Variants in GOSR1 observed in about 807,000 individuals in gnomAD.
GOSR1 encodes the protein golgi SNAP receptor complex member 1, also known as 28 kDa Golgi SNARE protein.
In GOSR1, 21 loss-of-function variants were observed where a neutral mutation model predicts 35.5. That is an observed-to-expected ratio of 0.59 (90% CI 0.42 to 0.85). GOSR1 has a LOEUF of 0.85. Ranked by LOEUF, GOSR1 falls within the 40% of genes least tolerant of loss-of-function variation. The probability of loss-of-function intolerance (pLI) is 0.00; values close to 1 mark genes in which losing one functional copy is unlikely to be tolerated. For synonymous variants in GOSR1, 94 were observed against 106.6 expected (o/e 0.88, Z 0.73); for missense variants, 285 against 309.6 (o/e 0.92, Z 0.60).
At chr17:30,501,441 G>A (rs1455614787) in intron 6 of GOSR1, among the ~76,000 whole-genome samples, 1 of 152,012 alleles carries the variant, frequency 6.6e-6, no homozygotes, top group African/African-American at 2.4e-5. Flanking sequence ...CATTGCTGGT[G>A]TGAATGCAAA....
chr17:30,498,453 A>G (rs949898675), intron 6 of GOSR1, among the ~76,000 whole-genome samples: 2 of 152,190 alleles, frequency 1.3e-5, no homozygotes, highest in Non-Finnish European at 2.9e-5. Context: ...ATGATATGCA[A>G]AGGTTTGTGC....
chr17:30,490,580 T>C (rs1914980559), intron 5 of GOSR1, among the ~76,000 whole-genome samples: 1 of 152,174 alleles, frequency 6.6e-6, no homozygotes, highest in South Asian at 2.1e-4. Flanking sequence ...AATTCTTTAA[T>C]TGTAACATTA....
chr17:30,507,873 GGTGAAGACGCT>G lies in GOSR1; in HGVS notation c.510-3004_510-2994del, dbSNP rs1232276218. Among the ~76,000 whole-genome samples, 16 of 152,194 alleles carry G rather than the reference GGTGAAGACGCT, an allele frequency of 1.1e-4. No homozygotes were observed. The East Asian group carries it at 3.1e-3, about 29-fold the overall frequency. ...GTGGTTTCTTGAGATGGATTCTACT[GGTGAAGACGCT>G]GTAAACATTGTTGAAATGACAACAA... is the stretch of plus-strand genomic sequence containing the variant. On this transcript the variant is annotated intron_variant, in intron 6 of 8. Coordinates refer to ENST00000451249, the MANE Select transcript of GOSR1 (RefSeq NM_001007025.2).
chr17:30,480,533 T>C (rs1170124394), intron 1 of GOSR1, among the ~76,000 whole-genome samples: 1 of 152,206 alleles, frequency 6.6e-6, no homozygotes, highest in African/African-American at 2.4e-5. Flanking sequence ...TGCAGAATTT[T>C]AGTTATTGCT....
chr17:30,490,244 A>C (rs1427099575), intron 5 of GOSR1, 27 bp downstream of exon 5: 1 of 1,101,626 alleles, frequency 9.1e-7, no homozygotes. Context: ...ATTATTTTGT[A>C]GAATATTTAT....
chr17:30,491,398 C>T (rs934981172), intron 5 of GOSR1, among the ~76,000 whole-genome samples: 1 of 152,194 alleles, frequency 6.6e-6, no homozygotes, highest in Admixed American at 6.5e-5. Flanking sequence ...GTGGCTCCCG[C>T]CTGTAATCCC....
chr17:30,510,264 G>C (rs1205025929), intron 6 of GOSR1, among the ~76,000 whole-genome samples: 5 of 152,288 alleles, frequency 3.3e-5, no homozygotes, highest in Admixed American at 6.5e-5. Flanking sequence ...GGTAGAGACA[G>C]AGTTTCGCCA....
chr17:30,506,618 C>A (rs1967411682), intron 6 of GOSR1, among the ~76,000 whole-genome samples: 1 of 152,190 alleles, frequency 6.6e-6, no homozygotes, highest in Admixed American at 6.5e-5. Flanking sequence ...GTAGAAGCTG[C>A]AGCAAGTTAC....
chr17:30,479,501 GTTTT>G (rs1452979525), intron 1 of GOSR1: 4 of 152,170 alleles, frequency 2.6e-5, no homozygotes, highest in Admixed American at 2.6e-4. Flanking sequence ...CTTTCAGTAA[GTTTT>G]TTTCTTTTTT....
rs998858240 is a variant in GOSR1, at chr17:30,524,823, G to A, written c.*2445G>A. 1.6e-4 allele frequency: 25 copies of A among 152,214 alleles called. No homozygotes were observed. Among genetic ancestry groups the A allele is most frequent in the African/African-American group, 6.0e-4 (25 of 41,444 alleles). 9.4% of individuals were successfully genotyped at this position (152,214 alleles called of 1,614,324 possible). A position where few individuals can be genotyped will look rare whatever the true frequency, so the allele number is the denominator to read the frequency against. On this transcript the variant is annotated 3_prime_UTR_variant, in exon 9 of 9. Transcript: ENST00000451249. The stretch of plus-strand genomic sequence containing the variant: ...AAAAGTTTAAGGACTACTGCCTGAT[G>A]TACCAGGAATCCTGAGTTCTGTGAA...
intron 6 of GOSR1, among the ~76,000 whole-genome samples, chr17:30,509,056 A>G (rs1429365210): frequency 6.6e-6 from 1 of 151,906 alleles, no homozygotes; most frequent in African/African-American, 2.4e-5. Context: ...GCTCACTGCA[A>G]CCTCCACCTC....
In GOSR1 at chr17:30,491,381, A is replaced by C. The variant is rs190311788; in HGVS notation, c.434+1164A>C. 4.3e-3 allele frequency among the ~76,000 whole-genome samples: 660 copies of C among 152,272 alleles called. 4 individuals are homozygous for C. Among genetic ancestry groups the C allele is most frequent in the Non-Finnish European group, 7.6e-3 (518 of 68,000 alleles). On this transcript the variant is annotated intron_variant, in intron 5 of 8. Coordinates refer to ENST00000451249, the MANE Select transcript of GOSR1 (RefSeq NM_001007025.2). ...GAAGGTAGAAATGAAAAGACCGGCC[A>C]GGCGTGGTGGCTCCCGCCTGTAATC...
intron 7 of GOSR1, among the ~76,000 whole-genome samples, chr17:30,518,900 C>T (rs1334769305): frequency 6.6e-6 from 1 of 152,100 alleles, no homozygotes; most frequent in Non-Finnish European, 1.5e-5. Flanking sequence ...CACAGTCACA[C>T]CACTGGGCTC....
At position 30,484,691 on chromosome 17, in the gene GOSR1, A is replaced by G; in HGVS notation, c.263A>G (p.Glu88Gly). The change falls in exon 4 of 9, where the codon GAA (glutamate) becomes GGA (glycine). Residue 88 changes from glutamate (E) to glycine (G), a missense_variant. By Grantham distance (98) the Glu-to-Gly change is moderately conservative. Coordinates refer to ENST00000451249, the MANE Select transcript of GOSR1 (RefSeq NM_001007025.2). ...ACAGGGGTAAATGATAAAATGGCAG[A>G]ATATACCAACAGTGCAGGTGTCCCC... ...RLTGVNDKMAEYTNSAGVPSL... is the reference protein window; with the variant it reads ...RLTGVNDKMAGYTNSAGVPSL... The G allele has an allele frequency of 6.4e-7, 1 of 1,566,630 alleles. No homozygotes were observed.
intron 6 of GOSR1, among the ~76,000 whole-genome samples, chr17:30,509,342 C>T (rs1043363840): frequency 2.0e-5 from 3 of 152,204 alleles, no homozygotes; most frequent in Non-Finnish European, 4.4e-5. Context: ...AACTTCTGAC[C>T]TCATGATCCA....
intron 6 of GOSR1, among the ~76,000 whole-genome samples, chr17:30,493,391 G>A (rs1195251585): frequency 6.6e-6 from 1 of 152,172 alleles, no homozygotes; most frequent in African/African-American, 2.4e-5. Flanking sequence ...CGTAGAGACT[G>A]AAAAGATGGG....
At chr17:30,520,931 A>G (rs973289268) in intron 8 of GOSR1, among the ~76,000 whole-genome samples, 1 of 152,184 alleles carries the variant, frequency 6.6e-6, no homozygotes, top group Non-Finnish European at 1.5e-5. Context: ...TGTTATATAC[A>G]TTATCTCATT....
At position 30,524,004 on chromosome 17, in the gene GOSR1, G is replaced by A. The variant is rs1177405358; in HGVS notation, c.*1626G>A. 1 of 176,366 alleles carries A rather than the reference G, an allele frequency of 5.7e-6. No individual in the cohort carries two copies. The highest frequency in any genetic ancestry group is 1.2e-5 in the Non-Finnish European group (1 of 86,064). 10.9% of individuals were successfully genotyped at this position (176,366 alleles called of 1,614,324 possible). On this transcript the variant is annotated 3_prime_UTR_variant, in exon 9 of 9. Coordinates refer to ENST00000451249, the MANE Select transcript of GOSR1 (RefSeq NM_001007025.2). The stretch of plus-strand genomic sequence containing the variant: ...GGTGCAAGATGTGCTTTGTTAAACA[G>A]ATGCTTGAAGGCAGCATGCTCCTTA...
chr17:30,504,032 T>TC (rs1411382130), intron 6 of GOSR1, among the ~76,000 whole-genome samples: 1 of 151,416 alleles, frequency 6.6e-6, no homozygotes, highest in East Asian at 1.9e-4. Context: ...TTAACTTTTT[T>TC]TTTTTTTTTT....
Sources: allele counts gnomAD v4.1 joint callset (sites outside exome capture counted in the v4.1 genomes callset), GRCh38; gene constraint gnomAD v4.1.1; transcripts MANE v1.5; gene names NCBI Gene and HGNC (gene_info 2026-07-23, HGNC 2026-07-21).